ABCB5: variants seen among roughly 807,000 people sequenced by gnomAD.
ABCB5 encodes ATP-binding cassette sub-family B member 5.
In ABCB5, 155 loss-of-function variants were observed where a neutral mutation model predicts 144.2. The observed-to-expected ratio is 1.08, with a 90% CI of 0.94 to 1.23. ABCB5 has a LOEUF of 1.23. Among genes scored for constraint, ABCB5 ranks in the 50% most tolerant of loss-of-function variants. The pLI, the probability that ABCB5 is intolerant of heterozygous loss-of-function variation, is 0.00. For missense variants in ABCB5, 1,830 were observed against 1,520.8 expected (o/e 1.20, Z -3.38); for synonymous variants, 610 against 528.6 (o/e 1.15, Z -2.11).
chr7:20,662,729 G>A (rs1022743143), intron 14 of ABCB5, among the ~76,000 whole-genome samples: 4 of 152,276 alleles, frequency 2.6e-5, no homozygotes, highest in African/African-American at 9.6e-5. Flanking sequence ...CATTTGTAGC[G>A]CTTGATGTTA....
chr7:20,681,038 T>C (rs1026950959), intron 14 of ABCB5, among the ~76,000 whole-genome samples: 1,282 of 6,862 alleles, frequency 0.19, 84 homozygotes, highest in African/African-American at 0.4. Flanking sequence ...TTCTTTCTCT[T>C]TCTTTCTTTC....
At chr7:20,678,285 C>G (rs1438405914) in intron 14 of ABCB5, among the ~76,000 whole-genome samples, 1 of 152,070 alleles carries the variant, frequency 6.6e-6, no homozygotes, top group African/African-American at 2.4e-5. Context: ...GGGAGGTTCC[C>G]TTCTCTTATA....
intron 5 of ABCB5, among the ~76,000 whole-genome samples, chr7:20,640,826 C>T (rs2106563): frequency 0.76 from 116,194 of 152,122 alleles, 44,810 homozygotes; most frequent in East Asian, 0.87. Context: ...TTTCCTCTCC[C>T]GTGTTGCTTG....
At chr7:20,689,424 G>T (rs1345031166) in intron 16 of ABCB5, among the ~76,000 whole-genome samples, 1 of 152,198 alleles carries the variant, frequency 6.6e-6, no homozygotes, top group Non-Finnish European at 1.5e-5. Context: ...AGGTGCTGGG[G>T]AAACTACTGG....
intron 1 of ABCB5, among the ~76,000 whole-genome samples, chr7:20,616,764 C>A (rs759999776): frequency 7.2e-5 from 11 of 152,164 alleles, no homozygotes; most frequent in Non-Finnish European, 1.6e-4. Context: ...AATTTATCTT[C>A]CTTTTGAAAC....
intron 15 of ABCB5, among the ~76,000 whole-genome samples, chr7:20,684,363 T>A (rs2128039847): frequency 6.6e-6 from 1 of 152,340 alleles, no homozygotes; most frequent in Non-Finnish European, 1.5e-5. Context: ...TTTCCTTGAC[T>A]TATTAAAGCA....
intron 3 of ABCB5, among the ~76,000 whole-genome samples, chr7:20,628,361 G>A (rs1235623620): frequency 1.3e-5 from 2 of 152,130 alleles, no homozygotes; most frequent in Admixed American, 6.5e-5. Flanking sequence ...TGGCTGCATA[G>A]TAGTCCATGG....
chr7:20,654,677 A>G (rs762975557), intron 13 of ABCB5, among the ~76,000 whole-genome samples: 2 of 152,362 alleles, frequency 1.3e-5, no homozygotes, highest in African/African-American at 4.8e-5. Context: ...TAATATAAGT[A>G]AACTACACAA....
intron 16 of ABCB5, among the ~76,000 whole-genome samples, chr7:20,692,294 C>A (rs985852945): frequency 6.6e-6 from 1 of 151,870 alleles, no homozygotes; most frequent in African/African-American, 2.4e-5. Context: ...ACAAACTTCT[C>A]ATCAGAAACA....
chr7:20,616,599 C>T (rs527659967), intron 1 of ABCB5, among the ~76,000 whole-genome samples: 1 of 152,214 alleles, frequency 6.6e-6, no homozygotes, highest in African/African-American at 2.4e-5. Flanking sequence ...TGATAGCATC[C>T]ACACAGCTGT....
At chr7:20,671,563 C>T (rs954572966) in intron 14 of ABCB5, among the ~76,000 whole-genome samples, 1 of 152,154 alleles carries the variant, frequency 6.6e-6, no homozygotes, top group Admixed American at 6.5e-5. Flanking sequence ...ATAAAGGGAG[C>T]AATATCATAT....
chr7:20,664,196 T>A (rs7784593), intron 14 of ABCB5, among the ~76,000 whole-genome samples: 2,216 of 152,290 alleles, frequency 0.015, 49 homozygotes, highest in African/African-American at 0.041. Context: ...AAATTCTGTA[T>A]TATGCATATT....
intron 14 of ABCB5, among the ~76,000 whole-genome samples, chr7:20,675,302 G>C (rs1785565951): frequency 6.6e-6 from 1 of 151,870 alleles, no homozygotes; most frequent in African/African-American, 2.4e-5. Flanking sequence ...AAACATGGAG[G>C]CCAATGGGAC....
intron 1 of ABCB5, among the ~76,000 whole-genome samples, chr7:20,617,441 C>G (rs770275653): frequency 3.5e-4 from 53 of 152,148 alleles, no homozygotes; most frequent in Non-Finnish European, 6.5e-4. Flanking sequence ...CAGATAAAAA[C>G]AATATGTTGT....
rs1240035385 is a variant in ABCB5 at position 20,643,470 on chromosome 7, C to T, written c.516C>T (p.Asp172=). The T allele has an allele frequency of 6.2e-7, 1 of 1,613,852 alleles. No homozygotes were observed. Among genetic ancestry groups the T allele is most frequent in the African/African-American group, 1.3e-5 (1 of 74,914 alleles). The part of the protein sequence containing the change: ...ELNTRMTDDI[D]KISDGIGDKI... ...TATTTGCTTGTTTCAGTGACATTGA[C>T]AAAATCAGTGATGGTATTGGAGATA... is the stretch of plus-strand genomic sequence containing the variant. The change falls in exon 7 of 28, where the codon GAC becomes GAT. Residue 172 remains aspartate, a synonymous_variant. Transcript: ENST00000404938.
At chr7:20,747,193 G>C (rs1562591732) in intron 26 of ABCB5, among the ~76,000 whole-genome samples, 1 of 152,218 alleles carries the variant, frequency 6.6e-6, no homozygotes, top group Non-Finnish European at 1.5e-5. Flanking sequence ...TTTGTGGTCA[G>C]ATTGTTATCT....
chr7:20,704,003 G>T (rs994695624), intron 19 of ABCB5, among the ~76,000 whole-genome samples: 1 of 149,096 alleles, frequency 6.7e-6, no homozygotes, highest in African/African-American at 2.5e-5. Context: ...GAAAGAGATA[G>T]ACTTTTTATC....
At chr7:20,686,646 C>A (rs1173012084) in intron 16 of ABCB5, among the ~76,000 whole-genome samples, 2 of 152,136 alleles carry the variant, frequency 1.3e-5, no homozygotes, top group Non-Finnish European at 2.9e-5. Flanking sequence ...CCCTGGTGCT[C>A]TGTAACCTCA....
chr7:20,685,979 C>A, intron 16 of ABCB5, 143 bp downstream of exon 16: 1 of 895,852 alleles, frequency 1.1e-6, no homozygotes, highest in Non-Finnish European at 1.6e-6. Context: ...AAATTTCACT[C>A]TAGCATCAGT....
Sources: gnomAD v4.1 joint callset for allele counts (sites outside exome capture counted in the v4.1 genomes callset) on GRCh38, gnomAD v4.1.1 for gene constraint, MANE v1.5 for transcripts, NCBI Gene and HGNC (gene_info 2026-07-23, HGNC 2026-07-21) for gene names.